TIA1: variants seen among roughly 807,000 people sequenced by gnomAD.
TIA1 encodes TIA1 cytotoxic granule associated RNA binding protein.
A neutral mutation model predicts 65.9 loss-of-function variants in TIA1; 23 were observed. The ratio of observed to expected loss-of-function variants is 0.35; its 90% CI spans 0.25 to 0.49. TIA1 has a LOEUF of 0.49. Among genes scored for constraint, TIA1 ranks in the 20% least tolerant of loss-of-function variants. The pLI is 0.98. For missense variants in TIA1, 371 were observed against 477.9 expected (o/e 0.78, Z 2.09); for synonymous variants, 147 against 149.4 (o/e 0.98, Z 0.12).
intron 10 of TIA1, chr2:70,215,710 T>A (rs942993238): frequency 2.1e-6 from 1 of 484,500 alleles, no homozygotes; most frequent in African/African-American, 2.0e-5. Flanking sequence ...GAGGGAGCTA[T>A]AAAATCACAG....
intron 1 of TIA1, among the ~76,000 whole-genome samples, chr2:70,241,174 C>T (rs545537743): frequency 7.9e-5 from 12 of 152,182 alleles, no homozygotes; most frequent in Non-Finnish European, 1.6e-4. Flanking sequence ...GGGACAGGTG[C>T]GGTGGCTCAC....
In TIA1 at chr2:70,216,299, G is replaced by C. The variant is rs762675237; in HGVS notation, c.680-7C>G. On this transcript the variant is annotated splice_region_variant and splice_polypyrimidine_tract_variant and intron_variant, in intron 9 of 12. Transcript: ENST00000433529. ...GTCTGACGCATTAGTTGTTCTGTTA[G>C]ACAAAAAACCAAAACAAACAAATCA... The C allele has an allele frequency of 4.4e-6, 7 of 1,585,710 alleles. No homozygotes were observed. Among genetic ancestry groups the C allele is most frequent in the Non-Finnish European group, 6.0e-6 (7 of 1,171,354 alleles).
At chr2:70,219,850 T>C (rs1341836248) in intron 7 of TIA1, among the ~76,000 whole-genome samples, 1 of 151,542 alleles carries the variant, frequency 6.6e-6, no homozygotes, top group African/African-American at 2.4e-5. Flanking sequence ...AAAGTTCTGT[T>C]ATTACAGGAA....
At chr2:70,238,996 G>C (rs1690447294) in intron 1 of TIA1, among the ~76,000 whole-genome samples, 3 of 152,178 alleles carry the variant, frequency 2.0e-5, no homozygotes, top group Admixed American at 1.3e-4. Flanking sequence ...TTGAACCCAG[G>C]AGTTAAGAGG....
chr2:70,218,250 A>G (rs535490535), intron 7 of TIA1, among the ~76,000 whole-genome samples: 41 of 152,364 alleles, frequency 2.7e-4, no homozygotes, highest in African/African-American at 9.6e-4. Context: ...CAAAACAATG[A>G]GGAAGAAAGC....
intron 2 of TIA1, among the ~76,000 whole-genome samples, chr2:70,234,728 A>C (rs992475019): frequency 1.3e-5 from 2 of 152,066 alleles, no homozygotes; most frequent in South Asian, 2.1e-4. Context: ...TGTCCGGCTA[A>C]TTTTGGTATT....
chr2:70,230,690 A>C, intron 3 of TIA1, 66 bp downstream of exon 3: 1 of 1,268,172 alleles, frequency 7.9e-7, no homozygotes, highest in Non-Finnish European at 1.1e-6. Context: ...TCTAAAAAGG[A>C]AACAAAATCA....
intron 1 of TIA1, among the ~76,000 whole-genome samples, chr2:70,247,596 A>G (rs1027517745): frequency 1.3e-5 from 2 of 152,242 alleles, no homozygotes; most frequent in Non-Finnish European, 2.9e-5. Context: ...GCCACACGAC[A>G]AAGAAAATAT....
intron 6 of TIA1, chr2:70,224,865 C>T: frequency 8.0e-7 from 1 of 1,243,410 alleles, no homozygotes; most frequent in Middle Eastern, 3.2e-4. Context: ...GAAATTGCCT[C>T]TCTCTTCAAA....
At position 70,212,808 on chromosome 2, in the gene TIA1, A is replaced by C. The variant is rs1454620536; in HGVS notation, c.1072T>G (p.Tyr358Asp). 2 of 1,613,920 alleles carry C rather than the reference A, an allele frequency of 1.2e-6. No homozygotes were observed. The highest frequency in any genetic ancestry group is 2.7e-5 in the African/African-American group (2 of 74,886). ...QSSAPWMGPN[Y>D]GVQPPQGQNG... ...TGCCCTTGAGGCGGTTGCACTCCAT[A>C]ATTTGGTCCCATCCATGGTGCAGAA... Residue 358 changes from tyrosine to aspartate, a missense_variant, in exon 13 of 13, where the codon TAT (tyrosine) becomes GAT (aspartate). Physicochemically the swap from Tyr to Asp is radical, Grantham distance 160. Coordinates refer to ENST00000433529, the MANE Select transcript of TIA1 (RefSeq NM_022173.4).
Position 70,236,168 on chromosome 2 carries a change from C to G in TIA1, c.34G>C (p.Gly12Arg). The change falls in exon 2 of 13, where the codon GGT (glycine) becomes CGT (arginine). Residue 12 changes from glycine to arginine, a missense_variant. Coordinates refer to ENST00000433529, the MANE Select transcript of TIA1 (RefSeq NM_022173.4). ...TCTGTCACATCTCTGGAAAGGTTAC[C>G]GACGTATCTGAAACACAAAGAGAAA... ...EDEMPKTLYV[G>R]NLSRDVTEAL... The G allele has an allele frequency of 6.2e-7, 1 of 1,603,288 alleles. No individual in the cohort carries two copies. Among genetic ancestry groups the G allele is most frequent in the Non-Finnish European group, 8.5e-7 (1 of 1,172,602 alleles).
chr2:70,236,099 T>TCCAATCA lies in TIA1; in HGVS notation c.102_103insTGATTGG (p.Asn35Ter). The TCCAATCA allele has an allele frequency of 6.2e-7, 1 of 1,607,080 alleles. No individual in the cohort carries two copies. The highest frequency in any genetic ancestry group is 8.5e-7 in the Non-Finnish European group (1 of 1,176,814). ...CTTACATCCATAATCATTTTGCAGT[T>TCCAATCA]TTTACAAGGTCCAATCTGGCTAAAG... On this transcript the variant is annotated stop_gained and frameshift_variant, in exon 2 of 13. Transcript: ENST00000433529. LOFTEE classifies it high-confidence loss of function.
intron 2 of TIA1, among the ~76,000 whole-genome samples, chr2:70,234,064 G>A (rs545604477): frequency 1.1e-4 from 16 of 152,254 alleles, no homozygotes; most frequent in African/African-American, 3.4e-4. Context: ...AATCATTAAC[G>A]TTTTGTCTAA....
intron 1 of TIA1, among the ~76,000 whole-genome samples, chr2:70,244,995 G>GC (rs1490114167): frequency 2.1e-4 from 32 of 152,114 alleles, no homozygotes. Context: ...TTAGTATATA[G>GC]CAATTAATTG....
At chr2:70,216,721 T>C (rs781679043) in intron 8 of TIA1, 165 bp downstream of exon 8, 1 of 1,513,614 alleles carries the variant, frequency 6.6e-7, no homozygotes, top group Non-Finnish European at 8.8e-7. Context: ...GAAATAATAT[T>C]ATTTATAATT....
At chr2:70,242,691 CTGT>C (rs1692437022) in intron 1 of TIA1, among the ~76,000 whole-genome samples, 1 of 152,050 alleles carries the variant, frequency 6.6e-6, no homozygotes, top group Non-Finnish European at 1.5e-5. Context: ...CGTCCATGGC[CTGT>C]TAGGAACTGG....
At chr2:70,223,026 TC>T (rs1417196615) in intron 7 of TIA1, among the ~76,000 whole-genome samples, 2 of 152,266 alleles carry the variant, frequency 1.3e-5, no homozygotes, top group African/African-American at 4.8e-5. Flanking sequence ...TCAAGAGACA[TC>T]CTTTGCTATT....
At chr2:70,230,221 C>T (rs1280976807) in intron 3 of TIA1, among the ~76,000 whole-genome samples, 1 of 132,952 alleles carries the variant, frequency 7.5e-6, no homozygotes, top group African/African-American at 3.0e-5. Flanking sequence ...CCAGCCTGGG[C>T]AACAGAGAAA....
chr2:70,248,397 A>C lies in TIA1; in HGVS notation c.26+8T>G. The C allele has an allele frequency of 6.3e-7, 1 of 1,599,864 alleles. No individual in the cohort carries two copies. Among genetic ancestry groups the C allele is most frequent in the Non-Finnish European group, 8.5e-7 (1 of 1,179,594 alleles). On this transcript the variant is annotated splice_region_variant and intron_variant, in intron 1 of 12. Transcript: ENST00000433529. ...ATCCCGCCTCCCTCATCGCTGCCCC[A>C]GACTCACAGAGTCTTGGGCATCTCG...
Sources: allele counts gnomAD v4.1 joint callset (sites outside exome capture counted in the v4.1 genomes callset), GRCh38; gene constraint gnomAD v4.1.1; transcripts MANE v1.5; gene names NCBI Gene and HGNC (gene_info 2026-07-23, HGNC 2026-07-21).